Variants in DNM3 observed in about 807,000 individuals in gnomAD.
DNM3 encodes dynamin-3.
DNM3 carries 47 observed loss-of-function variants against 101.6 expected under a neutral mutation model. The ratio of observed to expected loss-of-function variants is 0.46; its 90% CI spans 0.37 to 0.59. DNM3 has a LOEUF of 0.59. Ranked by LOEUF, DNM3 falls within the 20% of genes least tolerant of loss-of-function variation. The pLI, the probability that DNM3 is intolerant of heterozygous loss-of-function variation, is 0.00. For missense variants in DNM3, 849 were observed against 1,085.7 expected (o/e 0.78, Z 3.06); for synonymous variants, 385 against 387.9 (o/e 0.99, Z 0.09).
chr1:171,870,023 A>T (rs2035122179), intron 1 of DNM3, among the ~76,000 whole-genome samples: 1 of 152,206 alleles, frequency 6.6e-6, no homozygotes, highest in Non-Finnish European at 1.5e-5. Flanking sequence ...GTGCAGATAT[A>T]GTGTCTAGGA....
intron 2 of DNM3, among the ~76,000 whole-genome samples, chr1:171,968,433 G>A (rs372073974): frequency 1.3e-5 from 2 of 152,262 alleles, no homozygotes; most frequent in African/African-American, 2.4e-5. Flanking sequence ...GACAGAAATG[G>A]ACCAAGAAGG....
intron 16 of DNM3, among the ~76,000 whole-genome samples, chr1:172,311,828 A>T (rs1414304116): frequency 1.3e-5 from 2 of 152,212 alleles, no homozygotes; most frequent in South Asian, 4.2e-4. Flanking sequence ...TTATCAATGC[A>T]TATTTGGTAC....
rs113622300 is a variant in DNM3, at chr1:171,973,959, G to C, written c.236-13697G>C. Among the ~76,000 whole-genome samples the C allele has an allele frequency of 8.9e-3, 1,358 of 151,890 alleles. 27 individuals are homozygous for C. Among genetic ancestry groups the C allele is most frequent in the African/African-American group, 0.031 (1,287 of 41,452 alleles). On this transcript the variant is annotated intron_variant, in intron 2 of 20. Transcript: ENST00000627582. Reference sequence around the variant, plus strand: ...AGATTATAGGCATGAGCCACCACTCGTCGCCCAAAGTCTTAATCACTAGTG... The same window carrying C: ...AGATTATAGGCATGAGCCACCACTCCTCGCCCAAAGTCTTAATCACTAGTG...
At chr1:172,218,263 G>A (rs912300) in intron 14 of DNM3, among the ~76,000 whole-genome samples, 26,002 of 152,022 alleles carry the variant, frequency 0.17, 2,616 homozygotes, top group African/African-American at 0.28. Flanking sequence ...TAGCTCTGTA[G>A]CCCAATGAGA....
intron 12 of DNM3, among the ~76,000 whole-genome samples, chr1:172,092,115 G>C (rs1440500204): frequency 6.6e-6 from 1 of 152,118 alleles, no homozygotes; most frequent in Non-Finnish European, 1.5e-5. Context: ...CAGGAGTTTA[G>C]TTTTGAAATA....
chr1:172,322,864 G>C (rs2065781102), intron 16 of DNM3, among the ~76,000 whole-genome samples: 1 of 150,080 alleles, frequency 6.7e-6, no homozygotes, highest in South Asian at 2.1e-4. Context: ...AGGATGCAGT[G>C]TTTGTTTAAA....
intron 4 of DNM3, among the ~76,000 whole-genome samples, chr1:172,000,445 C>T (rs1236603649): frequency 1.3e-5 from 2 of 152,020 alleles, no homozygotes; most frequent in Non-Finnish European, 2.9e-5. Flanking sequence ...TCAGTTTTCC[C>T]CAGTTCTCAC....
intron 15 of DNM3, among the ~76,000 whole-genome samples, chr1:172,279,896 T>A (rs966998471): frequency 5.3e-5 from 8 of 152,134 alleles, no homozygotes; most frequent in African/African-American, 1.4e-4. Context: ...TGGTATTTTT[T>A]AAAAAATAGA....
At chr1:172,063,547 A>G (rs1430385276) in intron 10 of DNM3, among the ~76,000 whole-genome samples, 1 of 152,094 alleles carries the variant, frequency 6.6e-6, no homozygotes, top group Admixed American at 6.5e-5. Flanking sequence ...CTTGAATTAA[A>G]TATTGAAGGT....
chr1:172,403,820 A>G lies in DNM3; in HGVS notation c.2523-3952A>G, dbSNP rs573410886. Among the ~76,000 whole-genome samples the G allele has an allele frequency of 4.6e-5, 7 of 152,290 alleles. No individual in the cohort carries two copies. The East Asian group carries it at 1.4e-3, about 29-fold the overall frequency. ...TACTTAACGAAGCTCATTACTAAAC[A>G]AAGCAACTGAGGAAAATTTGGTACA... On this transcript the variant is annotated intron_variant, in intron 20 of 20. Coordinates refer to ENST00000627582, the MANE Select transcript of DNM3 (RefSeq NM_015569.5).
chr1:172,095,882 G>A (rs2054212221), intron 13 of DNM3, among the ~76,000 whole-genome samples: 2 of 152,148 alleles, frequency 1.3e-5, no homozygotes, highest in Non-Finnish European at 1.5e-5. Context: ...ATAATTTACC[G>A]AAAGCTGGAC....
intron 2 of DNM3, among the ~76,000 whole-genome samples, chr1:171,932,192 A>G (rs1571686633): frequency 6.7e-6 from 1 of 149,738 alleles, no homozygotes; most frequent in South Asian, 2.1e-4. Context: ...CCCAGGCTGG[A>G]GTGCGGTGGC....
intron 17 of DNM3, among the ~76,000 whole-genome samples, chr1:172,328,275 T>G (rs184138706): frequency 2.3e-4 from 35 of 152,316 alleles, no homozygotes; most frequent in Admixed American, 1.8e-3. Context: ...CATATTGTAA[T>G]GTACACATCC....
chr1:172,292,619 A>ATG (rs2063971672), intron 15 of DNM3, among the ~76,000 whole-genome samples: 1 of 145,186 alleles, frequency 6.9e-6, no homozygotes. Context: ...ACACACACAC[A>ATG]CACACGCGCG....
chr1:171,957,905 T>TA (rs1204585723), intron 2 of DNM3, among the ~76,000 whole-genome samples: 1 of 152,198 alleles, frequency 6.6e-6, no homozygotes, highest in Non-Finnish European at 1.5e-5. Flanking sequence ...CTCTGCCTGT[T>TA]ACCCAGTTCC....
chr1:172,245,381 G>A (rs1045558257), intron 14 of DNM3, among the ~76,000 whole-genome samples: 3 of 152,202 alleles, frequency 2.0e-5, no homozygotes, highest in African/African-American at 7.2e-5. Context: ...CAAAGTGACA[G>A]TGTAAACCAA....
At chr1:172,305,730 A>G (rs1445572738) in intron 15 of DNM3, among the ~76,000 whole-genome samples, 1 of 152,230 alleles carries the variant, frequency 6.6e-6, no homozygotes, top group Non-Finnish European at 1.5e-5. Flanking sequence ...GGTTCAACAT[A>G]CACAAATCAA....
intron 13 of DNM3, among the ~76,000 whole-genome samples, chr1:172,122,834 G>A (rs1225032006): frequency 6.6e-6 from 1 of 152,078 alleles, no homozygotes; most frequent in East Asian, 1.9e-4. Flanking sequence ...AGGAAGACCT[G>A]TTTATTACAA....
chr1:172,153,556 ATCTTT>A (rs2058223138), intron 14 of DNM3, among the ~76,000 whole-genome samples: 1 of 151,080 alleles, frequency 6.6e-6, no homozygotes, highest in South Asian at 2.1e-4. Context: ...CCACTATTTC[ATCTTT>A]TCTTTCCATC....
Sources: gnomAD v4.1 joint callset for allele counts (sites outside exome capture counted in the v4.1 genomes callset) on GRCh38, gnomAD v4.1.1 for gene constraint, MANE v1.5 for transcripts, NCBI Gene and HGNC (gene_info 2026-07-23, HGNC 2026-07-21) for gene names.